The following LRRFIP1 variants were observed in gnomAD, a reference collection of about 807,000 sequenced individuals.
LRRFIP1 encodes leucine-rich repeat flightless-interacting protein 1.
A neutral mutation model predicts 104.4 loss-of-function variants in LRRFIP1; 62 were observed. The observed-to-expected ratio is 0.59, with a 90% confidence interval of 0.48 to 0.73. The LOEUF (loss-of-function observed/expected upper bound fraction) is 0.73. LRRFIP1 is among the 30% of genes least tolerant of loss of function. The pLI, the probability that LRRFIP1 is intolerant of heterozygous loss-of-function variation, is 0.00. For missense variants in LRRFIP1, 796 were observed against 824.5 expected (o/e 0.97, Z 0.42); for synonymous variants, 300 against 299.0 (o/e 1.00, Z -0.03).
chr2:237,671,796 G>T (rs554422861), intron 1 of LRRFIP1, among the ~76,000 whole-genome samples: 1 of 150,894 alleles, frequency 6.6e-6, no homozygotes, highest in African/African-American at 2.4e-5. Flanking sequence ...GTGTGTGCAG[G>T]TGTGTGTGTG....
chr2:237,692,045 GGGGGCGGGGAAGGCGGGTCAT>G, intron 1 of LRRFIP1: 1 of 337,774 alleles, frequency 3.0e-6, no homozygotes, highest in Non-Finnish European at 4.1e-6. Context: ...AGCGGCGCAG[GGGGGCGGGGAAGGCGGGTCAT>G]GGGGCGGGGG....
At chr2:237,650,143 G>C (rs931924327) in intron 1 of LRRFIP1, among the ~76,000 whole-genome samples, 1 of 132,648 alleles carries the variant, frequency 7.5e-6, no homozygotes, top group Non-Finnish European at 1.7e-5. Context: ...GAACAAGAAG[G>C]GCAAGTGGGG....
At chr2:237,674,147 G>T (rs1214085133) in intron 1 of LRRFIP1, among the ~76,000 whole-genome samples, 2 of 152,174 alleles carry the variant, frequency 1.3e-5, no homozygotes, top group African/African-American at 4.8e-5. Flanking sequence ...AGGTGCCTTT[G>T]GGGCTTCCAG....
chr2:237,737,453 C>T lies in LRRFIP1; in HGVS notation c.556-1779C>T, dbSNP rs556584365. Reference sequence around the variant, plus strand: ...TCCTAAACATAAGGTGCACGTGGACCGTGGCGATATAGACTTTCACTTTGT... The same window carrying T: ...TCCTAAACATAAGGTGCACGTGGACTGTGGCGATATAGACTTTCACTTTGT... On this transcript the variant is annotated intron_variant, in intron 10 of 23. Transcript: ENST00000308482. Among the ~76,000 whole-genome samples the T allele has an allele frequency of 5.1e-4, 78 of 152,310 alleles. No homozygotes were observed. The South Asian group carries it at 8.1e-3, about 16-fold the overall frequency.
chr2:237,772,598 C>T, intron 21 of LRRFIP1: 3 of 538,238 alleles, frequency 5.6e-6, no homozygotes, highest in Non-Finnish European at 9.8e-6. Context: ...TTCCCTACCC[C>T]CTACCATCTC....
chr2:237,739,141 T>C, intron 10 of LRRFIP1, 91 bp from the exon 11 acceptor site: 1 of 1,147,094 alleles, frequency 8.7e-7, no homozygotes, highest in Non-Finnish European at 1.3e-6. Flanking sequence ...TACTGCAGCA[T>C]GTTTTCTGTC....
At chr2:237,702,709 C>G (rs1432095809) in intron 1 of LRRFIP1, among the ~76,000 whole-genome samples, 2 of 152,156 alleles carry the variant, frequency 1.3e-5, no homozygotes, top group Non-Finnish European at 2.9e-5. Flanking sequence ...GCAGCCAGAC[C>G]GAGCTATGCA....
intron 1 of LRRFIP1, among the ~76,000 whole-genome samples, chr2:237,655,616 G>C (rs1468901498): frequency 6.6e-6 from 1 of 152,208 alleles, no homozygotes; most frequent in African/African-American, 2.4e-5. Flanking sequence ...GGGGAAGATT[G>C]ACTACATCTC....
At chr2:237,700,835 T>G (rs11897010) in intron 1 of LRRFIP1, among the ~76,000 whole-genome samples, 5,916 of 152,250 alleles carry the variant, frequency 0.039, 344 homozygotes, top group African/African-American at 0.13. Flanking sequence ...CTGGTTCACA[T>G]GCGGTGCTTT....
At chr2:237,696,510 A>G (rs182858275) in intron 1 of LRRFIP1, among the ~76,000 whole-genome samples, 21 of 152,328 alleles carry the variant, frequency 1.4e-4, no homozygotes, top group African/African-American at 4.1e-4. Context: ...GCTAATATTT[A>G]CCAAACCCCT....
chr2:237,723,127 C>T (rs189049721), intron 6 of LRRFIP1, among the ~76,000 whole-genome samples: 38 of 152,160 alleles, frequency 2.5e-4, no homozygotes, highest in Admixed American at 1.8e-3. Flanking sequence ...ATGGATGCCT[C>T]CTCAGAAAGT....
rs967070039 is a variant in LRRFIP1 at position 237,703,555 on chromosome 2, G to T, written c.97-4989G>T. Among the ~76,000 whole-genome samples, 1 of 152,016 alleles carries T rather than the reference G, an allele frequency of 6.6e-6. No individual in the cohort carries two copies. The highest frequency in any genetic ancestry group is 2.4e-5 in the African/African-American group (1 of 41,370). On this transcript the variant is annotated intron_variant, in intron 1 of 23. Coordinates refer to ENST00000308482, the MANE Select transcript of LRRFIP1 (RefSeq NM_001137550.2). The surrounding 1 kb of genome is among the most constrained non-coding windows in gnomAD (Gnocchi z 4.3). ...CACTCCTTGTCACCAGCTCCTGGTC[G>T]CAGCCACCCCGGCTCTGCTTGTCCT...
At chr2:237,756,072 A>T (rs372602691) in intron 15 of LRRFIP1, 23 bp from the exon 16 acceptor site, 9 of 1,543,046 alleles carry the variant, frequency 5.8e-6, no homozygotes, top group Non-Finnish European at 8.1e-6. Flanking sequence ...CCACTGCTTT[A>T]GTGCTGTTTT....
intron 11 of LRRFIP1, among the ~76,000 whole-genome samples, chr2:237,747,842 C>G (rs1027929744): frequency 6.6e-6 from 1 of 150,990 alleles, no homozygotes. Context: ...TTCAATGTGC[C>G]AAAAAATAAA....
intron 11 of LRRFIP1, among the ~76,000 whole-genome samples, chr2:237,747,283 G>A (rs1020357189): frequency 4.6e-5 from 7 of 152,208 alleles, no homozygotes; most frequent in African/African-American, 1.2e-4. Context: ...TCCAGGTGTC[G>A]TTGGAGGAGA....
intron 8 of LRRFIP1, 102 bp from the exon 9 acceptor site, chr2:237,733,672 T>G: frequency 8.6e-7 from 1 of 1,158,168 alleles, no homozygotes; most frequent in South Asian, 1.3e-5. Context: ...TGTACAGCAG[T>G]TGGCTATGGT....
At chr2:237,753,242 A>G (rs1413111437) in intron 14 of LRRFIP1, 67 bp from the exon 15 acceptor site, 50 of 1,270,930 alleles carry the variant, frequency 3.9e-5, no homozygotes, top group Non-Finnish European at 5.1e-5. Flanking sequence ...TTTTTAACAG[A>G]ATACTGAATG....
intron 23 of LRRFIP1, among the ~76,000 whole-genome samples, chr2:237,775,107 A>G (rs1320550490): frequency 6.6e-6 from 1 of 152,182 alleles, no homozygotes; most frequent in African/African-American, 2.4e-5. Flanking sequence ...GCCTCCATAG[A>G]GCCTGTGCTC....
At chr2:237,758,855 AAAG>A (rs1382894461) in intron 18 of LRRFIP1, 34 bp downstream of exon 18, 23 of 1,514,086 alleles carry the variant, frequency 1.5e-5, no homozygotes, top group East Asian at 1.2e-4. Context: ...ATTTAAAAAA[AAAG>A]AAAAAAAATC....
Sources: allele counts gnomAD v4.1 joint callset (sites outside exome capture counted in the v4.1 genomes callset), GRCh38; gene constraint gnomAD v4.1.1; non-coding constraint Gnocchi (gnomAD v3.1); transcripts MANE v1.5; gene names NCBI Gene and HGNC (gene_info 2026-07-23, HGNC 2026-07-21).